ROBO2: variants seen among roughly 807,000 people sequenced by gnomAD.
The protein encoded by ROBO2 is roundabout guidance receptor 2, also known as roundabout homolog 2.
ROBO2 carries 53 observed loss-of-function variants against 160.8 expected under a neutral mutation model. The ratio of observed to expected loss-of-function variants is 0.33; its 90% CI spans 0.26 to 0.41. The LOEUF is 0.41. ROBO2 is among the 10% of genes least tolerant of loss of function. The pLI, the probability that ROBO2 is intolerant of heterozygous loss-of-function variation, is 1.00. For synonymous variants in ROBO2, 664 were observed against 611.7 expected (o/e 1.09, Z -1.26); for missense variants, 1,577 against 1,722.4 (o/e 0.92, Z 1.49).
intron 2 of ROBO2, among the ~76,000 whole-genome samples, chr3:76,844,750 G>A (rs896473029): frequency 2.0e-5 from 3 of 151,826 alleles, no homozygotes; most frequent in Non-Finnish European, 4.4e-5. Flanking sequence ...TCAATCTAGA[G>A]GTTTGCCTTT....
chr3:77,180,416 C>CTCTCTCTCTCTATATA (rs1433740534), intron 2 of ROBO2, among the ~76,000 whole-genome samples: 5 of 90,706 alleles, frequency 5.5e-5, no homozygotes, highest in Admixed American at 1.3e-4. Flanking sequence ...CTCTCTCTCT[C>CTCTCTCTCTCTATATA]TATATATATA....
chr3:77,107,645 G>A (rs73112436), intron 2 of ROBO2, among the ~76,000 whole-genome samples: 1 of 152,218 alleles, frequency 6.6e-6, no homozygotes, highest in Non-Finnish European at 1.5e-5. Flanking sequence ...TAAATACTAT[G>A]CCATTTTATA....
intron 2 of ROBO2, among the ~76,000 whole-genome samples, chr3:76,631,885 A>G (rs2090056317): frequency 6.6e-6 from 1 of 152,232 alleles, no homozygotes; most frequent in African/African-American, 2.4e-5. Flanking sequence ...CCAGCCAGGA[A>G]AGAAAGAATG....
chr3:77,227,797 A>G (rs2086663327), intron 2 of ROBO2, among the ~76,000 whole-genome samples: 1 of 152,246 alleles, frequency 6.6e-6, no homozygotes, highest in South Asian at 2.1e-4. Context: ...TGTTCTTTCA[A>G]CTGCCTTACT....
At chr3:76,963,974 A>C (rs1343420753) in intron 2 of ROBO2, among the ~76,000 whole-genome samples, 1 of 152,212 alleles carries the variant, frequency 6.6e-6, no homozygotes, top group African/African-American at 2.4e-5. Context: ...CCAGGACCAA[A>C]TGAACTCAAG....
At chr3:76,076,051 AT>A (rs1175059861) in intron 2 of ROBO2, among the ~76,000 whole-genome samples, 1 of 152,236 alleles carries the variant, frequency 6.6e-6, no homozygotes, top group Non-Finnish European at 1.5e-5. Context: ...TGGTTATTGC[AT>A]TAATGCTCAC....
intron 1 of ROBO2, among the ~76,000 whole-genome samples, chr3:75,916,364 C>CG (rs1183577526): frequency 1.3e-5 from 2 of 151,970 alleles, no homozygotes; most frequent in Non-Finnish European, 2.9e-5. Context: ...TTTATTATTT[C>CG]GGGGGGATCA....
chr3:76,930,705 T>C (rs1168331049), intron 2 of ROBO2, among the ~76,000 whole-genome samples: 1 of 152,174 alleles, frequency 6.6e-6, no homozygotes, highest in Non-Finnish European at 1.5e-5. Context: ...TCTGATAGTC[T>C]GAGAACCAAG....
rs1054033588 is a variant in ROBO2, at chr3:76,867,416, C to G, written c.110-230598C>G. Among the ~76,000 whole-genome samples the G allele has an allele frequency of 7.2e-5, 11 of 152,218 alleles. No individual in the cohort carries two copies. The East Asian group carries it at 9.7e-4, about 13-fold the overall frequency. On this transcript the variant is annotated intron_variant, in intron 2 of 26. Transcript: ENST00000487694. ...TTTATGTATGTTATAGGATGTGGTGCTTTAATTTTACTTGTTTTGCCTTTT... is the reference window on the plus strand; with the variant it reads ...TTTATGTATGTTATAGGATGTGGTGGTTTAATTTTACTTGTTTTGCCTTTT...
chr3:76,467,077 AG>A (rs1287340005), intron 2 of ROBO2, among the ~76,000 whole-genome samples: 2 of 152,078 alleles, frequency 1.3e-5, no homozygotes, highest in Non-Finnish European at 2.9e-5. Context: ...GACCAAAATG[AG>A]GAAATATATT....
At chr3:76,625,309 CT>C (rs2089554080) in intron 2 of ROBO2, among the ~76,000 whole-genome samples, 1 of 151,992 alleles carries the variant, frequency 6.6e-6, no homozygotes, top group Admixed American at 6.6e-5. Context: ...TTTAAGAAGC[CT>C]GTATTGTAAA....
chr3:76,249,023 G>T (rs1291587830), intron 2 of ROBO2, among the ~76,000 whole-genome samples: 1 of 152,096 alleles, frequency 6.6e-6, no homozygotes, highest in African/African-American at 2.4e-5. Context: ...GAGACTAAAG[G>T]GATTTGAAGT....
intron 2 of ROBO2, among the ~76,000 whole-genome samples, chr3:77,158,471 G>C (rs2078207533): frequency 6.6e-6 from 1 of 152,052 alleles, no homozygotes; most frequent in Admixed American, 6.6e-5. Context: ...GGAGACAGTT[G>C]AATTCTTTGG....
intron 2 of ROBO2, among the ~76,000 whole-genome samples, chr3:77,470,911 A>G (rs970914546): frequency 5.9e-5 from 9 of 152,086 alleles, no homozygotes; most frequent in African/African-American, 2.2e-4. Flanking sequence ...GGCAGGAAAG[A>G]CTTGTGTTCA....
At chr3:76,870,624 G>C (rs977582803) in intron 2 of ROBO2, among the ~76,000 whole-genome samples, 1 of 152,160 alleles carries the variant, frequency 6.6e-6, no homozygotes, top group South Asian at 2.1e-4. Context: ...CCAGAGTCCA[G>C]GAGAGAGTAC....
chr3:76,105,773 C>T (rs2069901243), intron 2 of ROBO2, among the ~76,000 whole-genome samples: 1 of 151,862 alleles, frequency 6.6e-6, no homozygotes, highest in Non-Finnish European at 1.5e-5. Context: ...AACCAGAATG[C>T]GTCTCTGTGA....
At chr3:77,135,295 A>G (rs1181929304) in intron 2 of ROBO2, among the ~76,000 whole-genome samples, 1 of 152,218 alleles carries the variant, frequency 6.6e-6, no homozygotes, top group African/African-American at 2.4e-5. Context: ...TACCTTCACT[A>G]GATTCTAACT....
chr3:76,849,347 T>C (rs1389863519), intron 2 of ROBO2, among the ~76,000 whole-genome samples: 3 of 152,152 alleles, frequency 2.0e-5, no homozygotes, highest in East Asian at 3.9e-4. Flanking sequence ...GAGAGACATG[T>C]TATATTTTCC....
At chr3:77,076,433 T>C (rs1342414969) in intron 1 of ROBO2, among the ~76,000 whole-genome samples, 2 of 152,176 alleles carry the variant, frequency 1.3e-5, no homozygotes, top group Non-Finnish European at 2.9e-5. Context: ...TATGTTTTTT[T>C]CTTTTTTCTT....
Sources: allele counts gnomAD v4.1 joint callset (sites outside exome capture counted in the v4.1 genomes callset), GRCh38; gene constraint gnomAD v4.1.1; transcripts MANE v1.5; gene names NCBI Gene and HGNC (gene_info 2026-07-23, HGNC 2026-07-21).